The following RNF135 variants were observed in gnomAD, a reference collection of about 807,000 sequenced individuals.
The protein encoded by RNF135 is ring finger protein 135.
Under a neutral mutation model 41.9 loss-of-function variants are expected in RNF135, and 46 were observed. The ratio of observed to expected loss-of-function variants is 1.10; its 90% CI spans 0.87 to 1.40. The LOEUF is 1.40. RNF135 is among the 40% of genes most tolerant of loss of function. The probability of loss-of-function intolerance (pLI) is 0.00; values close to 1 mark genes in which losing one functional copy is unlikely to be tolerated. For missense variants in RNF135, 539 were observed against 549.8 expected (o/e 0.98, Z 0.20); for synonymous variants, 238 against 223.8 (o/e 1.06, Z -0.57).
intron 1 of RNF135, chr17:30,978,909 A>G (rs2142680877): frequency 5.4e-6 from 1 of 184,176 alleles, no homozygotes; most frequent in Non-Finnish European, 1.1e-5. Flanking sequence ...TGTTTCAGAG[A>G]GCACAGGGTT....
At chr17:30,967,057 CAG>C (rs1410832283), upstream of RNF135, among the ~76,000 whole-genome samples, 2 of 151,926 alleles carry the variant, frequency 1.3e-5, no homozygotes, top group South Asian at 2.1e-4. Context: ...CTTTTTTTGA[CAG>C]AGTCTTGCTC....
intron 4 of RNF135, chr17:30,997,644 T>G (rs1014506867): frequency 6.7e-6 from 3 of 450,776 alleles, no homozygotes; most frequent in Non-Finnish European, 4.5e-6. Flanking sequence ...GCCAACTGCC[T>G]CTTCCTAAAC....
intron 4 of RNF135, among the ~76,000 whole-genome samples, chr17:30,997,847 A>AT (rs1908468116): frequency 6.6e-6 from 1 of 152,148 alleles, no homozygotes; most frequent in African/African-American, 2.4e-5. Context: ...CTCTTGCGGG[A>AT]TTGCCATGAG....
intron 3 of RNF135, among the ~76,000 whole-genome samples, chr17:30,988,661 T>G (rs1044085304): frequency 3.3e-5 from 5 of 151,604 alleles, no homozygotes; most frequent in Non-Finnish European, 7.4e-5. Context: ...CTCCTGACCT[T>G]GTGATCTGCC....
At chr17:30,978,589 CTTTTTTTTATTTA>C in intron 1 of RNF135, 1 of 151,262 alleles carries the variant, frequency 6.6e-6, no homozygotes, top group Non-Finnish European at 1.5e-5. Flanking sequence ...TTAATTATTT[CTTTTTTTTATTTA>C]TTTTTTATTT....
At chr17:30,983,349 A>ATTT (rs1907339481) in intron 1 of RNF135, among the ~76,000 whole-genome samples, 21 of 38,704 alleles carry the variant, frequency 5.4e-4, no homozygotes, top group Non-Finnish European at 7.8e-4. Flanking sequence ...ATATATATAT[A>ATTT]TATATTTTTT....
intron 1 of RNF135, among the ~76,000 whole-genome samples, chr17:30,979,717 C>G (rs547765517): frequency 7.6e-6 from 1 of 131,028 alleles, no homozygotes; most frequent in Non-Finnish European, 1.7e-5. Context: ...GGGGCTGACC[C>G]CCCCCACCTC....
Position 30,971,145 on chromosome 17 carries a change from C to T in RNF135, c.72C>T (p.Cys24=). ...LAEDDLGCII[C]QGLLDWPATL... is the part of the protein sequence containing the mutation. Reference sequence around the variant, plus strand: ...AGGACGACCTCGGCTGCATCATCTGCCAGGGGCTGCTGGACTGGCCCGCCA... The same window carrying T: ...AGGACGACCTCGGCTGCATCATCTGTCAGGGGCTGCTGGACTGGCCCGCCA... The change falls in exon 1 of 5, where the codon TGC becomes TGT. Residue 24 remains cysteine (C), a synonymous_variant. Coordinates refer to ENST00000328381, the MANE Select transcript of RNF135 (RefSeq NM_032322.4). 3 of 1,533,986 alleles carry T rather than the reference C, an allele frequency of 2.0e-6. No homozygotes were observed. Among genetic ancestry groups the T allele is most frequent in the African/African-American group, 1.4e-5 (1 of 73,068 alleles).
chr17:30,979,213 T>G (rs1462805545), intron 1 of RNF135: 1 of 125,190 alleles, frequency 8.0e-6, no homozygotes, highest in African/African-American at 3.6e-5. Context: ...ACCTCCCGGA[T>G]GGGGCGGCTG....
chr17:30,983,353 A>ATATATATATTTTTT (rs1420453160), intron 1 of RNF135, among the ~76,000 whole-genome samples: 12 of 35,730 alleles, frequency 3.4e-4, no homozygotes, highest in African/African-American at 6.4e-4. Flanking sequence ...ATATATATAT[A>ATATATATATTTTTT]TTTTTTTTTT....
chr17:30,971,015 A>T, upstream of RNF135: 17 of 1,531,378 alleles, frequency 1.1e-5, no homozygotes, highest in Non-Finnish European at 1.5e-5. Context: ...GCGAGGGAGG[A>T]GCCTGAGGAG....
chr17:30,985,432 A>C (rs1362972598), intron 2 of RNF135, among the ~76,000 whole-genome samples: 2 of 152,142 alleles, frequency 1.3e-5, no homozygotes, highest in Admixed American at 6.5e-5. Context: ...TTCTCATCTC[A>C]ATGCTTGCCC....
chr17:30,979,944 C>A (rs1407195339), intron 1 of RNF135, among the ~76,000 whole-genome samples: 137 of 86,768 alleles, frequency 1.6e-3, no homozygotes, highest in East Asian at 2.0e-3. Context: ...CGGGCAGAGG[C>A]GCCCCTCACC....
At chr17:30,960,438 A>C in the RNF135 span, among the ~76,000 whole-genome samples, 24 of 150,626 alleles carry the variant, frequency 1.6e-4, no homozygotes, top group Non-Finnish European at 1.0e-4. Context: ...GCATGGTGGC[A>C]TGTGCCTGTA....
intron 2 of RNF135, among the ~76,000 whole-genome samples, chr17:30,984,965 C>T (rs960377574): frequency 6.6e-6 from 1 of 152,164 alleles, no homozygotes; most frequent in Non-Finnish European, 1.5e-5. Flanking sequence ...AGGATCACTC[C>T]ACCTAACAAG....
intron 1 of RNF135, among the ~76,000 whole-genome samples, chr17:30,979,646 T>C (rs1598085041): frequency 6.0e-5 from 7 of 117,204 alleles, no homozygotes; most frequent in East Asian, 3.0e-4. Flanking sequence ...ACGGGGCGGC[T>C]GGCCAGGCGG....
chr17:30,995,466 C>T (rs1442253344), intron 3 of RNF135, among the ~76,000 whole-genome samples: 1 of 152,108 alleles, frequency 6.6e-6, no homozygotes, highest in East Asian at 1.9e-4. Flanking sequence ...CTCCTGGCCT[C>T]AAGTGAGCCT....
chr17:30,987,021 A>G (rs952281047), intron 2 of RNF135, among the ~76,000 whole-genome samples: 1 of 152,118 alleles, frequency 6.6e-6, no homozygotes, highest in Non-Finnish European at 1.5e-5. Context: ...GGTGGAAAGA[A>G]TGGGGAGTGG....
chr17:30,980,089 C>G (rs1906950915), intron 1 of RNF135: 1 of 140,948 alleles, frequency 7.1e-6, no homozygotes, highest in Non-Finnish European at 1.5e-5. Flanking sequence ...GGGGCTGACT[C>G]CCCCACCTCC....
Sources: gnomAD v4.1 joint callset for allele counts (sites outside exome capture counted in the v4.1 genomes callset) on GRCh38, gnomAD v4.1.1 for gene constraint, MANE v1.5 for transcripts, NCBI Gene and HGNC (gene_info 2026-07-23, HGNC 2026-07-21) for gene names.